Variants in SEC14L2 observed in about 807,000 individuals in gnomAD.
SEC14L2 encodes the protein SEC14 like lipid binding 2, also known as SEC14-like protein 2.
A neutral mutation model predicts 56.9 loss-of-function variants in SEC14L2; 50 were observed. That is an observed-to-expected ratio of 0.88 (90% CI 0.70 to 1.11). The LOEUF is 1.11. Ranked by LOEUF, SEC14L2 falls within the 50% of genes most tolerant of loss-of-function variation. The pLI, the probability that SEC14L2 is intolerant of heterozygous loss-of-function variation, is 0.00. For synonymous variants in SEC14L2, 179 were observed against 188.5 expected, an observed-to-expected ratio of 0.95 and a Z score of 0.41; for missense variants, 414 against 500.7, an observed-to-expected ratio of 0.83 and a Z score of 1.65.
intron 11 of SEC14L2, among the ~76,000 whole-genome samples, chr22:30,417,810 C>T (rs1361897000): frequency 6.6e-6 from 1 of 152,026 alleles, no homozygotes; most frequent in Non-Finnish European, 1.5e-5. Context: ...GTCTTGGCCT[C>T]TCTGCTTGTC....
intron 2 of SEC14L2, among the ~76,000 whole-genome samples, chr22:30,403,987 G>A (rs1258609821): frequency 3.5e-5 from 5 of 142,780 alleles, no homozygotes; most frequent in African/African-American, 1.3e-4. Context: ...TCCGGCCTGG[G>A]CGACAGAGCG....
chr22:30,398,333 G>A (rs1933818042), intron 1 of SEC14L2, among the ~76,000 whole-genome samples: 2 of 152,186 alleles, frequency 1.3e-5, no homozygotes, highest in Non-Finnish European at 2.9e-5. Context: ...CTGGTGCACT[G>A]GGAGCTGCTT....
At chr22:30,406,746 C>A (rs1198520172) in intron 3 of SEC14L2, among the ~76,000 whole-genome samples, 3 of 152,014 alleles carry the variant, frequency 2.0e-5, no homozygotes, top group Non-Finnish European at 4.4e-5. Flanking sequence ...TTTTTGTTTT[C>A]TTTTTTATTT....
At chr22:30,399,739 G>C in intron 2 of SEC14L2, 21 bp downstream of exon 2, 1 of 1,607,688 alleles carries the variant, frequency 6.2e-7, no homozygotes, top group African/African-American at 1.3e-5. Context: ...AGGGGCTGCG[G>C]GAGGCTGGGG....
intron 8 of SEC14L2, 125 bp downstream of exon 8, chr22:30,410,804 C>T (rs1234630577): frequency 1.5e-5 from 12 of 827,174 alleles, no homozygotes; most frequent in Non-Finnish European, 2.4e-5. Context: ...AGCAGTGGGA[C>T]CCAGGAGCAA....
intron 2 of SEC14L2, among the ~76,000 whole-genome samples, chr22:30,404,028 A>C (rs7511218): frequency 1.2e-5 from 1 of 86,818 alleles, no homozygotes; most frequent in East Asian, 4.3e-4. Context: ...AAAAAAAAAA[A>C]AGAAAAAAAA....
At chr22:30,418,345 TG>T (rs1305635379) in intron 11 of SEC14L2, among the ~76,000 whole-genome samples, 1 of 152,188 alleles carries the variant, frequency 6.6e-6, no homozygotes, top group Non-Finnish European at 1.5e-5. Flanking sequence ...CAGAACCTCT[TG>T]GCCATTGACT....
At chr22:30,414,469 A>G (rs1180138968) in intron 8 of SEC14L2, among the ~76,000 whole-genome samples, 1 of 152,004 alleles carries the variant, frequency 6.6e-6, no homozygotes, top group East Asian at 1.9e-4. Flanking sequence ...AGATTAAATC[A>G]CCCCAAGACC....
intron 11 of SEC14L2, among the ~76,000 whole-genome samples, chr22:30,418,020 C>T (rs1601787340): frequency 6.6e-6 from 1 of 152,084 alleles, no homozygotes; most frequent in Admixed American, 6.5e-5. Context: ...TTAGCACCAG[C>T]CCAGACAATG....
intron 5 of SEC14L2, among the ~76,000 whole-genome samples, chr22:30,408,583 C>G (rs760766344): frequency 6.6e-6 from 1 of 151,820 alleles, no homozygotes; most frequent in Non-Finnish European, 1.5e-5. Context: ...AGACCCTGCG[C>G]CAAAAAAAAT....
intron 1 of SEC14L2, chr22:30,398,817 G>A (rs1289820152): frequency 8.5e-6 from 4 of 469,910 alleles, no homozygotes; most frequent in Admixed American, 7.1e-5. Context: ...AGACAGACCC[G>A]GGTTTGCATC....
Position 30,415,883 on chromosome 22 carries a change from C to G in SEC14L2, c.771+18C>G. On this transcript the variant is annotated intron_variant, in intron 9 of 11. Transcript: ENST00000615189. ...AATCCAAGGTATGAGCCGCCAGAGG[C>G]TAGAGGTGAACAGGGATGCCTGGCT... The G allele has an allele frequency of 6.2e-7, 1 of 1,614,180 alleles. No individual in the cohort carries two copies.
intron 11 of SEC14L2, among the ~76,000 whole-genome samples, chr22:30,420,200 G>A (rs866345554): frequency 2.6e-5 from 4 of 152,242 alleles, no homozygotes; most frequent in African/African-American, 9.6e-5. Flanking sequence ...TGATCCACCC[G>A]CCTCAGCCTC....
chr22:30,415,147 C>G (rs972123431), intron 8 of SEC14L2, among the ~76,000 whole-genome samples: 6 of 152,100 alleles, frequency 3.9e-5, no homozygotes, highest in Non-Finnish European at 8.8e-5. Context: ...AAAAAGCCCT[C>G]TCGGCCGGGC....
Position 30,423,743 on chromosome 22 carries a change from C to A in SEC14L2, c.*1336C>A, listed in dbSNP as rs374169140. The A allele has an allele frequency of 6.6e-6, 1 of 152,318 alleles. No individual in the cohort carries two copies. Among genetic ancestry groups the A allele is most frequent in the Non-Finnish European group, 1.5e-5 (1 of 68,088 alleles). The allele number at this position is 152,318 out of a possible 1,614,324, so 9.4% of individuals were successfully genotyped here. A position where few individuals can be genotyped will look rare whatever the true frequency, so the allele number is the denominator to read the frequency against. ...TAGCGCGGACCGGAAGGGGCCGAGG[C>A]TGCACGGGCCTCTGCCAGAACGCTC... is the stretch of plus-strand genomic sequence containing the variant. On this transcript the variant is annotated 3_prime_UTR_variant, in exon 12 of 12. Coordinates refer to ENST00000615189, the MANE Select transcript of SEC14L2 (RefSeq NM_012429.5).
At chr22:30,410,745 G>C in intron 8 of SEC14L2, 66 bp downstream of exon 8, 1 of 1,480,050 alleles carries the variant, frequency 6.8e-7, no homozygotes, top group Non-Finnish European at 9.4e-7. Flanking sequence ...TCCAGCTTTA[G>C]GGGTGTGGCC....
intron 1 of SEC14L2, among the ~76,000 whole-genome samples, chr22:30,399,333 G>C (rs1383864443): frequency 6.6e-6 from 1 of 151,882 alleles, no homozygotes; most frequent in African/African-American, 2.4e-5. Context: ...TGGCTAACAC[G>C]GTGAAACCCT....
In SEC14L2 at chr22:30,422,695, G is replaced by A. The variant is rs371127661; in HGVS notation, c.*288G>A. On this transcript the variant is annotated 3_prime_UTR_variant, in exon 12 of 12. Coordinates refer to ENST00000615189, the MANE Select transcript of SEC14L2 (RefSeq NM_012429.5). Reference sequence around the variant, plus strand: ...CAGGGACAGCGAAGCTGGGGGTGGCGGGGGGCATGTACCACAGGGTGGCAG... The same window carrying A: ...CAGGGACAGCGAAGCTGGGGGTGGCAGGGGGCATGTACCACAGGGTGGCAG... The A allele has an allele frequency of 2.0e-5, 6 of 305,226 alleles. No homozygotes were observed. Among genetic ancestry groups the A allele is most frequent in the Admixed American group, 1.4e-4 (3 of 20,884 alleles). 18.9% of individuals were successfully genotyped at this position (305,226 alleles called of 1,614,324 possible).
intron 2 of SEC14L2, among the ~76,000 whole-genome samples, chr22:30,402,986 G>T (rs1437226055): frequency 6.6e-6 from 1 of 152,034 alleles, no homozygotes; most frequent in East Asian, 1.9e-4. Context: ...AGGCCGAGGT[G>T]GGAAGTCACT....
Sources: allele counts gnomAD v4.1 joint callset (sites outside exome capture counted in the v4.1 genomes callset), GRCh38; gene constraint gnomAD v4.1.1; transcripts MANE v1.5; gene names NCBI Gene and HGNC (gene_info 2026-07-23, HGNC 2026-07-21).